NCAM2: variants seen among roughly 807,000 people sequenced by gnomAD.
NCAM2 encodes N-CAM-2.
NCAM2 carries 30 observed loss-of-function variants against 98.1 expected under a neutral mutation model. The observed-to-expected ratio is 0.31, with a 90% CI of 0.23 to 0.41. The LOEUF (loss-of-function observed/expected upper bound fraction) is 0.41, where lower values mean the gene tolerates loss of function less well. Among genes scored for constraint, NCAM2 ranks in the 10% least tolerant of loss-of-function variants. NCAM2 has a pLI of 1.00. For synonymous variants in NCAM2, 368 were observed against 342.4 expected, an observed-to-expected ratio of 1.07 and a Z score of -0.83; for missense variants, 867 against 1,005.8, an observed-to-expected ratio of 0.86 and a Z score of 1.87.
At chr21:21,437,011 G>A (rs909925986) in intron 12 of NCAM2, among the ~76,000 whole-genome samples, 1 of 151,748 alleles carries the variant, frequency 6.6e-6, no homozygotes. Context: ...CTGAGCTCAG[G>A]CAATCTACCT....
chr21:21,157,696 G>A (rs1413345687), intron 1 of NCAM2, among the ~76,000 whole-genome samples: 1 of 152,050 alleles, frequency 6.6e-6, no homozygotes, highest in Non-Finnish European at 1.5e-5. Context: ...GCAAAGAGCA[G>A]CTGCCTATAT....
intron 1 of NCAM2, among the ~76,000 whole-genome samples, chr21:21,204,250 A>T (rs143268550): frequency 3.3e-4 from 51 of 152,280 alleles, no homozygotes; most frequent in Middle Eastern, 3.4e-3. Context: ...CCATCTTGGC[A>T]TAGCAATTAT....
At chr21:21,150,579 C>T (rs1276309486) in intron 1 of NCAM2, among the ~76,000 whole-genome samples, 2 of 152,018 alleles carry the variant, frequency 1.3e-5, no homozygotes, top group African/African-American at 2.4e-5. Context: ...TTGGAGGCAT[C>T]TATCTTTATG....
chr21:21,146,539 C>A (rs1280655941), intron 1 of NCAM2, among the ~76,000 whole-genome samples: 1 of 96,876 alleles, frequency 1.0e-5, no homozygotes, highest in African/African-American at 4.3e-5. Flanking sequence ...ATATAAAATA[C>A]TTACAGGATA....
chr21:21,353,979 A>G (rs1289470356), intron 8 of NCAM2, among the ~76,000 whole-genome samples: 1 of 152,164 alleles, frequency 6.6e-6, no homozygotes, highest in Admixed American at 6.6e-5. Context: ...GTTACTTGTC[A>G]ATTTTAGTAT....
At chr21:21,362,943 T>C (rs924923439) in intron 8 of NCAM2, among the ~76,000 whole-genome samples, 1 of 152,194 alleles carries the variant, frequency 6.6e-6, no homozygotes. Flanking sequence ...TGATTTTCTA[T>C]ATGGATATTT....
chr21:21,399,934 TC>T (rs2076593444), intron 9 of NCAM2, among the ~76,000 whole-genome samples: 1 of 151,998 alleles, frequency 6.6e-6, no homozygotes. Flanking sequence ...AGTAATCAAG[TC>T]AAGAAATCTC....
intron 2 of NCAM2, among the ~76,000 whole-genome samples, chr21:21,281,841 A>C (rs957433588): frequency 3.9e-5 from 6 of 151,940 alleles, no homozygotes; most frequent in Admixed American, 2.6e-4. Flanking sequence ...TGATTTATTT[A>C]AACCAAGATT....
intron 9 of NCAM2, among the ~76,000 whole-genome samples, chr21:21,379,976 G>T (rs947121743): frequency 6.6e-6 from 1 of 152,096 alleles, no homozygotes; most frequent in East Asian, 1.9e-4. Context: ...ATGGAAGAAA[G>T]ATGTAGGCTG....
At chr21:21,529,894 T>C (rs1478249086) in intron 16 of NCAM2, among the ~76,000 whole-genome samples, 1 of 151,102 alleles carries the variant, frequency 6.6e-6, no homozygotes, top group African/African-American at 2.4e-5. Flanking sequence ...CTGGATGACA[T>C]TTGACAGGGG....
chr21:21,171,061 G>C (rs188879804), intron 1 of NCAM2, among the ~76,000 whole-genome samples: 3 of 152,094 alleles, frequency 2.0e-5, no homozygotes, highest in African/African-American at 7.2e-5. Context: ...ATTAGACAAG[G>C]GTGTGGTAAT....
chr21:21,100,018 A>C (rs1233115890), intron 1 of NCAM2, among the ~76,000 whole-genome samples: 1 of 151,836 alleles, frequency 6.6e-6, no homozygotes, highest in Non-Finnish European at 1.5e-5. Flanking sequence ...CTTCCTTTCT[A>C]ACCTTTCTAC....
intron 1 of NCAM2, among the ~76,000 whole-genome samples, chr21:21,106,549 T>A (rs372730026): frequency 3.3e-5 from 5 of 151,958 alleles, no homozygotes; most frequent in African/African-American, 1.2e-4. Context: ...TTCATTACAT[T>A]TGTCATTTTC....
At chr21:21,019,988 T>G (rs1404805577) in intron 1 of NCAM2, among the ~76,000 whole-genome samples, 1 of 152,174 alleles carries the variant, frequency 6.6e-6, no homozygotes, top group African/African-American at 2.4e-5. Flanking sequence ...GCATAAATCC[T>G]GAATCCAGTA....
At chr21:21,005,629 A>G (rs922412635) in intron 1 of NCAM2, among the ~76,000 whole-genome samples, 2 of 152,086 alleles carry the variant, frequency 1.3e-5, no homozygotes, top group African/African-American at 2.4e-5. Flanking sequence ...CCCCATTTAT[A>G]CTTTAAATGT....
chr21:21,292,637 A>G (rs1243772646), intron 5 of NCAM2, among the ~76,000 whole-genome samples: 1 of 151,912 alleles, frequency 6.6e-6, no homozygotes, highest in African/African-American at 2.4e-5. Flanking sequence ...TTAAATTTTT[A>G]AGGTTATATT....
At chr21:21,271,034 A>G (rs1403998769) in intron 1 of NCAM2, among the ~76,000 whole-genome samples, 2 of 151,776 alleles carry the variant, frequency 1.3e-5, no homozygotes. Flanking sequence ...GATTATTTAG[A>G]TGACATTTTT....
intron 1 of NCAM2, among the ~76,000 whole-genome samples, chr21:21,012,788 C>A (rs907793879): frequency 2.6e-5 from 4 of 152,004 alleles, no homozygotes; most frequent in Non-Finnish European, 2.9e-5. Flanking sequence ...CATATGCTCT[C>A]CTTGGGTCTC....
intron 1 of NCAM2, among the ~76,000 whole-genome samples, chr21:21,051,644 G>A (rs1274851899): frequency 6.6e-6 from 1 of 152,160 alleles, no homozygotes; most frequent in Non-Finnish European, 1.5e-5. Flanking sequence ...ACAGTATCTT[G>A]TGCCATAATA....
Sources: gnomAD v4.1 joint callset for allele counts (sites outside exome capture counted in the v4.1 genomes callset) on GRCh38, gnomAD v4.1.1 for gene constraint, MANE v1.5 for transcripts, NCBI Gene and HGNC (gene_info 2026-07-23, HGNC 2026-07-21) for gene names.